The following SLC7A11 variants were observed in gnomAD, a reference collection of about 807,000 sequenced individuals.
SLC7A11 encodes the protein cystine/glutamate transporter.
SLC7A11 carries 35 observed loss-of-function variants against 54.5 expected under a neutral mutation model. That is an observed-to-expected ratio of 0.64 (90% CI 0.49 to 0.85). The LOEUF is 0.85. Ranked by LOEUF, SLC7A11 falls within the 40% of genes least tolerant of loss-of-function variation. The pLI, the probability that SLC7A11 is intolerant of heterozygous loss-of-function variation, is 0.00. For missense variants in SLC7A11, 583 were observed against 618.1 expected, an observed-to-expected ratio of 0.94 and a Z score of 0.60; for synonymous variants, 230 against 225.2, an observed-to-expected ratio of 1.02 and a Z score of -0.19.
At chr4:138,191,564 C>A (rs563142008) in intron 6 of SLC7A11, among the ~76,000 whole-genome samples, 2 of 152,118 alleles carry the variant, frequency 1.3e-5, no homozygotes, top group East Asian at 3.9e-4. Flanking sequence ...TCACTCTTAG[C>A]CACCACCACA....
chr4:138,173,884 C>A (rs985911376), intron 11 of SLC7A11, among the ~76,000 whole-genome samples: 2 of 151,922 alleles, frequency 1.3e-5, no homozygotes, highest in Non-Finnish European at 2.9e-5. Flanking sequence ...AGGGAAATGA[C>A]AAACTTATTC....
chr4:138,184,061 G>C (rs570811016), intron 7 of SLC7A11, among the ~76,000 whole-genome samples: 2 of 152,170 alleles, frequency 1.3e-5, no homozygotes, highest in African/African-American at 4.8e-5. Flanking sequence ...AAGAAAATGT[G>C]TTGGATTCAT....
chr4:138,172,104 ACC>A, intron 11 of SLC7A11, 87 bp from the exon 12 acceptor site: 1 of 1,330,314 alleles, frequency 7.5e-7, no homozygotes, highest in South Asian at 1.4e-5. Context: ...TGGGTTGAAT[ACC>A]AAAAACACAC....
At chr4:138,193,485 G>A (rs2148421460) in intron 6 of SLC7A11, among the ~76,000 whole-genome samples, 1 of 152,198 alleles carries the variant, frequency 6.6e-6, no homozygotes, top group South Asian at 2.1e-4. Flanking sequence ...TGGACCCAAT[G>A]CTGGCTTCCT....
chr4:138,171,231 A>G lies in SLC7A11; in HGVS notation c.*725T>C, dbSNP rs1736417930. The G allele has an allele frequency of 1.3e-5, 2 of 152,084 alleles. No homozygotes were observed. The highest frequency in any genetic ancestry group is 1.3e-4 in the Admixed American group (2 of 15,260). 9.4% of individuals were successfully genotyped at this position (152,084 alleles called of 1,614,324 possible). Reference sequence around the variant, plus strand: ...GATCAAACTGATGTGAAAAAAAAAAATGACAGATAACTAAAACTTCCTGAT... The same window carrying G: ...GATCAAACTGATGTGAAAAAAAAAAGTGACAGATAACTAAAACTTCCTGAT... On this transcript the variant is annotated 3_prime_UTR_variant, in exon 12 of 12. Coordinates refer to ENST00000280612, the MANE Select transcript of SLC7A11 (RefSeq NM_014331.4).
At chr4:138,190,675 G>T (rs1439960321) in intron 6 of SLC7A11, among the ~76,000 whole-genome samples, 1 of 152,112 alleles carries the variant, frequency 6.6e-6, no homozygotes, top group Non-Finnish European at 1.5e-5. Context: ...TCAAAGAAAA[G>T]CTATCCGTAT....
chr4:138,182,723 A>G (rs1736777937), intron 8 of SLC7A11, among the ~76,000 whole-genome samples: 1 of 152,098 alleles, frequency 6.6e-6, no homozygotes, highest in Admixed American at 6.6e-5. Context: ...ATCCAATTCA[A>G]CAAACACACA....
chr4:138,214,601 C>T lies in SLC7A11; in HGVS notation c.775G>A (p.Val259Ile). The T allele has an allele frequency of 6.9e-7, 1 of 1,442,842 alleles. No individual in the cohort carries two copies. Among genetic ancestry groups the T allele is most frequent in the Admixed American group, 2.0e-5 (1 of 49,982 alleles). The allele number at this position is 1,442,842 out of a possible 1,614,324, so 89.4% of individuals were successfully genotyped here. ...WFYLNFVTEE[V>I]ENPEKTIPLA... ...GCTACTTACTTTTCAGGGTTTTCTA[C>T]TTCTTCAGTAACAAAGTTGAGGTAA... Residue 259 changes from valine to isoleucine, a missense_variant, in exon 6 of 12, where the codon GTA becomes ATA. Val to Ile is a conservative substitution (Grantham distance 29). Coordinates refer to ENST00000280612, the MANE Select transcript of SLC7A11 (RefSeq NM_014331.4).
Position 138,168,494 on chromosome 4 carries a change from A to G in SLC7A11, c.*3462T>C, listed in dbSNP as rs1736325959. 1.3e-5 allele frequency: 2 copies of G among 152,182 alleles called. No homozygotes were observed. The highest frequency in any genetic ancestry group is 2.1e-4 in the South Asian group (1 of 4,832). The allele number at this position is 152,182 out of a possible 1,614,324, so 9.4% of individuals were successfully genotyped here. A position where few individuals can be genotyped will look rare whatever the true frequency, so the allele number is the denominator to read the frequency against. ...ATTCATCTGCAAATCAAGATAAAAT[A>G]ATGATTTTCCTGTAGACTGATTACA... is the stretch of plus-strand genomic sequence containing the variant. On this transcript the variant is annotated 3_prime_UTR_variant, in exon 12 of 12. Transcript: ENST00000280612.
At chr4:138,172,431 T>C (rs1736449621) in intron 11 of SLC7A11, among the ~76,000 whole-genome samples, 4 of 152,198 alleles carry the variant, frequency 2.6e-5, no homozygotes, top group Admixed American at 2.6e-4. Context: ...AGAATGTAAT[T>C]TTCATTCTCT....
Position 138,202,832 on chromosome 4 carries a change from C to T in SLC7A11, c.791+11753G>A, listed in dbSNP as rs551666939. Among the ~76,000 whole-genome samples the T allele has an allele frequency of 3.9e-5, 6 of 152,216 alleles. 1 individual carries two copies. In the South Asian group the frequency reaches 1.2e-3, roughly 32 times the overall value. ...AACTGTAGCCACCTGACTCCAAGTG[C>T]AGAGCTACCTTCACAACACCAGTGT... On this transcript the variant is annotated intron_variant, in intron 6 of 11. Coordinates refer to ENST00000280612, the MANE Select transcript of SLC7A11 (RefSeq NM_014331.4).
At chr4:138,191,549 A>T (rs1452760141) in intron 6 of SLC7A11, among the ~76,000 whole-genome samples, 1 of 152,158 alleles carries the variant, frequency 6.6e-6, no homozygotes, top group Non-Finnish European at 1.5e-5. Context: ...AAATGGCCAG[A>T]AGGGTCACTC....
chr4:138,196,565 A>G (rs573564235), intron 6 of SLC7A11, among the ~76,000 whole-genome samples: 1 of 152,260 alleles, frequency 6.6e-6, no homozygotes, highest in East Asian at 1.9e-4. Flanking sequence ...CCAAGTGAGG[A>G]TGAAGCACCA....
At chr4:138,208,532 CA>C (rs10716464) in intron 6 of SLC7A11, among the ~76,000 whole-genome samples, 61,831 of 151,862 alleles carry the variant, frequency 0.41, 13,512 homozygotes, top group Middle Eastern at 0.6. Context: ...ATAGTCACCA[CA>C]AAAGTCATGT....
At chr4:138,218,418 G>A (rs1443263506) in intron 5 of SLC7A11, among the ~76,000 whole-genome samples, 2 of 152,120 alleles carry the variant, frequency 1.3e-5, no homozygotes, top group Non-Finnish European at 2.9e-5. Flanking sequence ...CAATGATTTT[G>A]ATAATTAAAT....
At chr4:138,222,908 G>GT (rs11285067) in intron 4 of SLC7A11, among the ~76,000 whole-genome samples, 21 of 149,222 alleles carry the variant, frequency 1.4e-4, no homozygotes, top group Non-Finnish European at 2.2e-4. Context: ...TAAGTGGCAG[G>GT]TTTTTTTTTT....
intron 3 of SLC7A11, among the ~76,000 whole-genome samples, chr4:138,225,171 T>C: frequency 7.6e-6 from 1 of 131,488 alleles, no homozygotes. Context: ...TATATATATA[T>C]AAATAAAATC....
intron 2 of SLC7A11, among the ~76,000 whole-genome samples, chr4:138,234,883 C>G (rs1301031777): frequency 2.0e-5 from 3 of 152,194 alleles, no homozygotes; most frequent in Non-Finnish European, 4.4e-5. Context: ...ATAAGTAGTA[C>G]ATGCATTTGA....
At chr4:138,209,414 C>T (rs1258611782) in intron 6 of SLC7A11, among the ~76,000 whole-genome samples, 2 of 151,944 alleles carry the variant, frequency 1.3e-5, no homozygotes, top group African/African-American at 2.4e-5. Flanking sequence ...GAAGCTGTAT[C>T]TACCTAAAAA....
Sources: allele counts gnomAD v4.1 joint callset (sites outside exome capture counted in the v4.1 genomes callset), GRCh38; gene constraint gnomAD v4.1.1; transcripts MANE v1.5; gene names NCBI Gene and HGNC (gene_info 2026-07-23, HGNC 2026-07-21).